The following NLGN1 variants were observed in gnomAD, a reference collection of about 807,000 sequenced individuals.
The protein encoded by NLGN1 is neuroligin 1, also known as neuroligin-1.
Under a neutral mutation model 65.5 loss-of-function variants are expected in NLGN1, and 12 were observed. The ratio of observed to expected loss-of-function variants is 0.18; its 90% CI spans 0.12 to 0.30. The LOEUF is 0.30. Among genes scored for constraint, NLGN1 ranks in the 10% least tolerant of loss-of-function variants. The probability of loss-of-function intolerance (pLI) is 1.00; values close to 1 mark genes in which losing one functional copy is unlikely to be tolerated. For synonymous variants in NLGN1, 350 were observed against 359.5 expected, an observed-to-expected ratio of 0.97 and a Z score of 0.30; for missense variants, 750 against 1,007.1, an observed-to-expected ratio of 0.74 and a Z score of 3.46.
intron 4 of NLGN1, among the ~76,000 whole-genome samples, chr3:174,013,359 A>G (rs1240416610): frequency 6.6e-6 from 1 of 152,206 alleles, no homozygotes; most frequent in African/African-American, 2.4e-5. Context: ...AAATAACACA[A>G]ATTGGATTTA....
At chr3:173,558,000 C>G (rs1257073615) in intron 2 of NLGN1, among the ~76,000 whole-genome samples, 2 of 151,772 alleles carry the variant, frequency 1.3e-5, no homozygotes, top group African/African-American at 4.8e-5. Context: ...AGTATTTTTG[C>G]TGTCTATACA....
chr3:173,719,171 G>C (rs1309100201), intron 3 of NLGN1, among the ~76,000 whole-genome samples: 2 of 152,120 alleles, frequency 1.3e-5, no homozygotes, highest in Non-Finnish European at 2.9e-5. Flanking sequence ...ATAAATGAAT[G>C]GATGGATGGA....
chr3:173,926,672 C>T (rs1363315828), intron 4 of NLGN1, among the ~76,000 whole-genome samples: 3 of 152,182 alleles, frequency 2.0e-5, no homozygotes, highest in African/African-American at 7.2e-5. Flanking sequence ...TCTTATATCG[C>T]ACCTTGTAAT....
At chr3:173,738,738 A>G (rs542666354) in intron 3 of NLGN1, among the ~76,000 whole-genome samples, 1 of 152,046 alleles carries the variant, frequency 6.6e-6, no homozygotes, top group African/African-American at 2.4e-5. Flanking sequence ...TTGAATGTCC[A>G]TATGAATTTT....
At chr3:174,104,364 A>T (rs1366370259) in intron 4 of NLGN1, among the ~76,000 whole-genome samples, 4 of 152,156 alleles carry the variant, frequency 2.6e-5, no homozygotes, top group African/African-American at 7.2e-5. Flanking sequence ...GGCTATATTT[A>T]TACTATGATT....
chr3:173,783,774 C>A lies in NLGN1; in HGVS notation c.494-23906C>A, dbSNP rs534221942. ...AGATTACAGGCATCCATGACCATGC[C>A]AGGCTAATTTTTGTATTTTTAGTAG... On this transcript the variant is annotated intron_variant, in intron 3 of 6. Coordinates refer to ENST00000457714, the Ensembl canonical transcript of NLGN1. Among the ~76,000 whole-genome samples the A allele has an allele frequency of 1.1e-3, 173 of 152,246 alleles. 2 individuals are homozygous for A. Among genetic ancestry groups the A allele is most frequent in the African/African-American group, 4.0e-3 (165 of 41,552 alleles).
chr3:174,201,939 T>C (rs1229751603), intron 4 of NLGN1, among the ~76,000 whole-genome samples: 1 of 152,198 alleles, frequency 6.6e-6, no homozygotes, highest in Admixed American at 6.5e-5. Flanking sequence ...CATTCAAATT[T>C]TCTTTCATGC....
At chr3:173,852,820 A>G (rs1727233175) in intron 4 of NLGN1, among the ~76,000 whole-genome samples, 1 of 152,198 alleles carries the variant, frequency 6.6e-6, no homozygotes, top group African/African-American at 2.4e-5. Flanking sequence ...TAAAATGATC[A>G]ATAACAATCT....
intron 1 of NLGN1, among the ~76,000 whole-genome samples, chr3:173,432,882 T>G (rs1223673214): frequency 6.6e-6 from 1 of 152,164 alleles, no homozygotes; most frequent in Non-Finnish European, 1.5e-5. Context: ...AAGATTTGGG[T>G]GCTGGGTATC....
intron 2 of NLGN1, among the ~76,000 whole-genome samples, chr3:173,543,843 G>A (rs1286615791): frequency 6.6e-6 from 1 of 152,118 alleles, no homozygotes; most frequent in Non-Finnish European, 1.5e-5. Flanking sequence ...AGAGAGAATT[G>A]TAATACAGGA....
intron 4 of NLGN1, among the ~76,000 whole-genome samples, chr3:173,989,004 G>A (rs890501679): frequency 1.3e-5 from 2 of 152,122 alleles, no homozygotes; most frequent in African/African-American, 2.4e-5. Context: ...GGAGAGAACA[G>A]CTAGCAGATT....
intron 2 of NLGN1, among the ~76,000 whole-genome samples, chr3:173,538,820 C>G (rs150967070): frequency 0.017 from 2,509 of 152,044 alleles, 27 homozygotes; most frequent in Middle Eastern, 0.027. Flanking sequence ...TAAAATATTC[C>G]TCTGCTAGGG....
chr3:173,852,767 C>A (rs1172165201), intron 4 of NLGN1, among the ~76,000 whole-genome samples: 3 of 152,072 alleles, frequency 2.0e-5, no homozygotes, highest in African/African-American at 2.4e-5. Context: ...TCTAGTGGAG[C>A]TTTAATATTC....
chr3:173,712,366 A>G (rs1328210422), intron 3 of NLGN1, among the ~76,000 whole-genome samples: 2 of 152,170 alleles, frequency 1.3e-5, no homozygotes, highest in African/African-American at 4.8e-5. Context: ...TCCAACCCTA[A>G]GGTAGCCAGT....
At chr3:174,272,370 C>A (rs957524238) in intron 4 of NLGN1, among the ~76,000 whole-genome samples, 1 of 151,714 alleles carries the variant, frequency 6.6e-6, no homozygotes, top group African/African-American at 2.4e-5. Flanking sequence ...CAATGTACAT[C>A]ACTTGAGTAA....
intron 4 of NLGN1, among the ~76,000 whole-genome samples, chr3:173,820,702 C>G (rs1397206249): frequency 2.0e-5 from 3 of 152,104 alleles, no homozygotes. Flanking sequence ...TGAAAATATC[C>G]TACTCTACTG....
intron 4 of NLGN1, among the ~76,000 whole-genome samples, chr3:173,861,140 T>A (rs878904651): frequency 6.6e-6 from 1 of 152,172 alleles, no homozygotes; most frequent in Non-Finnish European, 1.5e-5. Context: ...GACTTTATCA[T>A]ATTTCAAAAT....
intron 4 of NLGN1, among the ~76,000 whole-genome samples, chr3:174,193,659 T>C (rs1263844719): frequency 6.6e-6 from 1 of 152,160 alleles, no homozygotes; most frequent in African/African-American, 2.4e-5. Context: ...CATTCTACCA[T>C]GGCAAAGTAG....
intron 4 of NLGN1, among the ~76,000 whole-genome samples, chr3:174,218,153 G>GA (rs758953312): frequency 4.6e-5 from 7 of 151,982 alleles, no homozygotes; most frequent in Non-Finnish European, 8.8e-5. Flanking sequence ...AGGTTAAAAT[G>GA]AAAGTATTCA....
Sources: gnomAD v4.1 joint callset for allele counts (sites outside exome capture counted in the v4.1 genomes callset) on GRCh38, gnomAD v4.1.1 for gene constraint, MANE v1.5 for transcripts, NCBI Gene and HGNC (gene_info 2026-07-23, HGNC 2026-07-21) for gene names.